The following PAK5 variants were observed in gnomAD, a reference collection of about 807,000 sequenced individuals.
PAK5 encodes the protein serine/threonine-protein kinase PAK 5.
In PAK5, 16 loss-of-function variants were observed where a neutral mutation model predicts 65.9. That is an observed-to-expected ratio of 0.24 (90% CI 0.16 to 0.37). PAK5 has a LOEUF of 0.37. Among genes scored for constraint, PAK5 ranks in the 10% least tolerant of loss-of-function variants. PAK5 has a pLI of 1.00. For synonymous variants in PAK5, 371 were observed against 354.9 expected, an observed-to-expected ratio of 1.05 and a Z score of -0.51; for missense variants, 785 against 903.9, an observed-to-expected ratio of 0.87 and a Z score of 1.69.
chr20:9,654,179 G>A (rs1163834818), intron 2 of PAK5, among the ~76,000 whole-genome samples: 4 of 151,972 alleles, frequency 2.6e-5, no homozygotes, highest in Non-Finnish European at 5.9e-5. Flanking sequence ...TTCCATGTTG[G>A]CCAGGCTGTT....
At chr20:9,757,247 A>G (rs2123635996) in intron 1 of PAK5, among the ~76,000 whole-genome samples, 1 of 151,214 alleles carries the variant, frequency 6.6e-6, no homozygotes, top group South Asian at 2.1e-4. Context: ...ACTATTACAT[A>G]TATTCCACAT....
intron 7 of PAK5, among the ~76,000 whole-genome samples, chr20:9,547,854 A>C (rs917624829): frequency 6.6e-6 from 1 of 152,154 alleles, no homozygotes; most frequent in Non-Finnish European, 1.5e-5. Flanking sequence ...CTTTAACAAG[A>C]GCCACAGGCT....
In PAK5 at chr20:9,538,561, T is replaced by C. The variant is rs893423580; in HGVS notation, c.*901A>G. The C allele has an allele frequency of 4.3e-6, 1 of 233,186 alleles. No individual in the cohort carries two copies. Among genetic ancestry groups the C allele is most frequent in the African/African-American group, 2.2e-5 (1 of 45,324 alleles). 14.4% of individuals were successfully genotyped at this position (233,186 alleles called of 1,614,324 possible). Reference sequence around the variant, plus strand: ...TGAAATTGCTCCCTGGGAGGGAAATTTGGCCACAAGGGAACATTGTACCCA... The same window carrying C: ...TGAAATTGCTCCCTGGGAGGGAAATCTGGCCACAAGGGAACATTGTACCCA... On this transcript the variant is annotated 3_prime_UTR_variant, in exon 10 of 10. Coordinates refer to ENST00000353224, the MANE Select transcript of PAK5 (RefSeq NM_177990.4).
In PAK5 at chr20:9,694,283, C is replaced by G. The variant is rs114953524; in HGVS notation, c.-12+17003G>C. On this transcript the variant is annotated intron_variant, in intron 2 of 9. Coordinates refer to ENST00000353224, the MANE Select transcript of PAK5 (RefSeq NM_177990.4). ...TTTTTAAATTTTAAGTAGTGAGATA[C>G]AGTGATGGCCGTGTGTGTGTTTGTG... is the stretch of plus-strand genomic sequence containing the variant. Among the ~76,000 whole-genome samples the G allele has an allele frequency of 4.6e-3, 676 of 147,438 alleles. 2 individuals carry two copies. Among genetic ancestry groups the G allele is most frequent in the African/African-American group, 0.016 (635 of 39,910 alleles).
intron 1 of PAK5, among the ~76,000 whole-genome samples, chr20:9,730,896 C>T (rs1048004249): frequency 2.6e-5 from 4 of 152,162 alleles, no homozygotes; most frequent in Admixed American, 1.3e-4. Context: ...TAACAGGAAA[C>T]GTTTCCCAAA....
At chr20:9,806,817 G>A (rs1160611270) in intron 1 of PAK5, among the ~76,000 whole-genome samples, 1 of 152,056 alleles carries the variant, frequency 6.6e-6, no homozygotes, top group Non-Finnish European at 1.5e-5. Flanking sequence ...ACAAACTTAT[G>A]ACTTAAGACA....
chr20:9,576,553 A>T (rs2045888435), intron 4 of PAK5, among the ~76,000 whole-genome samples: 1 of 152,162 alleles, frequency 6.6e-6, no homozygotes, highest in African/African-American at 2.4e-5. Context: ...AAGGTGGTGG[A>T]CCCTGCTACA....
chr20:9,571,310 T>C (rs1439112412), intron 4 of PAK5, among the ~76,000 whole-genome samples: 1 of 152,178 alleles, frequency 6.6e-6, no homozygotes, highest in Non-Finnish European at 1.5e-5. Flanking sequence ...TCCATGATGG[T>C]GCGTATCACC....
At chr20:9,770,272 G>A (rs975845322) in intron 1 of PAK5, among the ~76,000 whole-genome samples, 1 of 152,096 alleles carries the variant, frequency 6.6e-6, no homozygotes, top group African/African-American at 2.4e-5. Context: ...GCAGATGTGC[G>A]GTTGACAGTG....
chr20:9,595,656 A>G (rs1255523133), intron 3 of PAK5, among the ~76,000 whole-genome samples: 1 of 152,214 alleles, frequency 6.6e-6, no homozygotes, highest in Non-Finnish European at 1.5e-5. Context: ...AGATTTAACA[A>G]AAACATAAAA....
intron 1 of PAK5, among the ~76,000 whole-genome samples, chr20:9,825,423 T>C (rs1182092385): frequency 1.3e-5 from 2 of 152,218 alleles, no homozygotes; most frequent in Non-Finnish European, 2.9e-5. Context: ...ATATCATTTA[T>C]AAGGTTCTAC....
chr20:9,641,769 C>T (rs908542454), intron 3 of PAK5, among the ~76,000 whole-genome samples: 9 of 152,250 alleles, frequency 5.9e-5, no homozygotes, highest in African/African-American at 7.2e-5. Context: ...AGAAATCGAG[C>T]ACAGCGCCGG....
chr20:9,683,847 G>C (rs1269648639), intron 2 of PAK5, among the ~76,000 whole-genome samples: 2 of 152,160 alleles, frequency 1.3e-5, no homozygotes, highest in Non-Finnish European at 2.9e-5. Context: ...GTCTCCCAAA[G>C]GGCTGGGATA....
At chr20:9,559,809 C>A (rs890760545) in intron 6 of PAK5, among the ~76,000 whole-genome samples, 1 of 151,892 alleles carries the variant, frequency 6.6e-6, no homozygotes, top group African/African-American at 2.4e-5. Flanking sequence ...CAGTCTCATA[C>A]AAAGGCAGGT....
chr20:9,830,461 G>A (rs1036447142), intron 1 of PAK5, among the ~76,000 whole-genome samples: 1 of 152,152 alleles, frequency 6.6e-6, no homozygotes, highest in African/African-American at 2.4e-5. Context: ...TGAACCAAGA[G>A]GCTGGTATTC....
At chr20:9,636,705 C>T (rs946965033) in intron 3 of PAK5, among the ~76,000 whole-genome samples, 1 of 151,854 alleles carries the variant, frequency 6.6e-6, no homozygotes, top group Non-Finnish European at 1.5e-5. Flanking sequence ...ATAGTATACA[C>T]GAAAAGGGAT....
intron 1 of PAK5, among the ~76,000 whole-genome samples, chr20:9,830,883 C>G (rs1009357803): frequency 2.0e-5 from 3 of 152,198 alleles, no homozygotes; most frequent in African/African-American, 7.2e-5. Flanking sequence ...GGTATTCAAC[C>G]CTGTTTACCC....
chr20:9,745,604 A>G (rs1253944670), intron 1 of PAK5, among the ~76,000 whole-genome samples: 3 of 152,096 alleles, frequency 2.0e-5, no homozygotes, highest in Non-Finnish European at 4.4e-5. Context: ...TTGATCTTAC[A>G]CTTCTACACT....
intron 2 of PAK5, among the ~76,000 whole-genome samples, chr20:9,671,478 G>C (rs1213628422): frequency 6.6e-6 from 1 of 152,002 alleles, no homozygotes; most frequent in African/African-American, 2.4e-5. Context: ...TCTCCTTGAA[G>C]AGGTCCTTCA....
Sources: gnomAD v4.1 joint callset for allele counts (sites outside exome capture counted in the v4.1 genomes callset) on GRCh38, gnomAD v4.1.1 for gene constraint, MANE v1.5 for transcripts, NCBI Gene and HGNC (gene_info 2026-07-23, HGNC 2026-07-21) for gene names.